Variants in CHD1 observed in about 807,000 individuals in gnomAD.
CHD1 encodes chromodomain helicase DNA binding protein 1.
CHD1 carries 36 observed loss-of-function variants against 224.2 expected under a neutral mutation model. That is an observed-to-expected ratio of 0.16 (90% CI 0.12 to 0.21). CHD1 has a LOEUF of 0.21. CHD1 is among the 10% of genes least tolerant of loss of function. CHD1 has a pLI of 1.00. For synonymous variants in CHD1, 668 were observed against 658.3 expected (o/e 1.01, Z -0.23); for missense variants, 1,378 against 1,994.8 (o/e 0.69, Z 5.89).
chr5:98,901,137 G>C (rs967069666), intron 6 of CHD1, 49 bp downstream of exon 6: 1 of 1,580,852 alleles, frequency 6.3e-7, no homozygotes, highest in Non-Finnish European at 8.6e-7. Flanking sequence ...TATACAAAAA[G>C]AACAAATACT....
intron 3 of CHD1, among the ~76,000 whole-genome samples, chr5:98,904,159 T>A (rs1751899238): frequency 6.6e-6 from 1 of 151,902 alleles, no homozygotes; most frequent in African/African-American, 2.4e-5. Flanking sequence ...ATGCTAAGAG[T>A]ATTATTTGTA....
chr5:98,881,198 T>C (rs1370310721), intron 21 of CHD1, 27 bp from the exon 22 acceptor site: 2 of 1,494,480 alleles, frequency 1.3e-6, no homozygotes, highest in Non-Finnish European at 1.8e-6. Context: ...AATATTTAAA[T>C]ATACTTGAAT....
In CHD1 at chr5:98,926,534, C is replaced by G; in HGVS notation, c.-148G>C. 1 of 427,504 alleles carries G rather than the reference C, an allele frequency of 2.3e-6. No individual in the cohort carries two copies. Among genetic ancestry groups the G allele is most frequent in the Non-Finnish European group, 4.1e-6 (1 of 246,280 alleles). 26.5% of individuals were successfully genotyped at this position (427,504 alleles called of 1,614,324 possible). A position where few individuals can be genotyped will look rare whatever the true frequency, so the allele number is the denominator to read the frequency against. On this transcript the variant is annotated splice_region_variant and 5_prime_UTR_variant, in exon 2 of 36. Transcript: ENST00000614616. ...TTTTCTGGGACTCTCCTTTGATTCACCTAAAGAAAATATATTAATAAATTA... is the reference window on the plus strand; with the variant it reads ...TTTTCTGGGACTCTCCTTTGATTCAGCTAAAGAAAATATATTAATAAATTA...
chr5:98,899,812 A>T, intron 7 of CHD1, 107 bp from the exon 8 acceptor site: 1 of 720,756 alleles, frequency 1.4e-6, no homozygotes, highest in East Asian at 2.7e-5. Flanking sequence ...ACTCTTTTAA[A>T]TAAAGTATTG....
chr5:98,883,861 A>ATATATT (rs1561507731), intron 18 of CHD1: 1 of 33,100 alleles, frequency 3.0e-5, no homozygotes, highest in Admixed American at 5.5e-4. Context: ...ATATATATAT[A>ATATATT]TTTTTTTTTT....
At chr5:98,903,058 AC>A (rs1214099534) in intron 4 of CHD1, 94 bp from the exon 5 acceptor site, 7 of 632,570 alleles carry the variant, frequency 1.1e-5, no homozygotes, top group Non-Finnish European at 1.8e-5. Flanking sequence ...CATTCACTTT[AC>A]AAATAACAGC....
At position 98,898,261 on chromosome 5, in the gene CHD1, A is replaced by G. The variant is rs932246625; in HGVS notation, c.1360T>C (p.Cys454Arg). The part of the protein sequence containing the change: ...NQSKTTPFKD[C>R]KVLKQRPRFV... Reference sequence around the variant, plus strand: ...AAATGTTAGACAATACTCACTTTGCAATCTTTAAAAGGAGTGGTTTTTGAT... The same window carrying G: ...AAATGTTAGACAATACTCACTTTGCGATCTTTAAAAGGAGTGGTTTTTGAT... The change falls in exon 10 of 36, where the codon TGC becomes CGC. Residue 454 changes from cysteine to arginine, a missense_variant. Physicochemically the swap from Cys to Arg is radical, Grantham distance 180. Transcript: ENST00000614616. 6.7e-7 allele frequency: 1 copy of G among 1,498,872 alleles called. No individual in the cohort carries two copies. The highest frequency in any genetic ancestry group is 1.4e-5 in the African/African-American group (1 of 70,992). 92.8% of individuals were successfully genotyped at this position (1,498,872 alleles called of 1,614,324 possible).
At chr5:98,906,068 A>T (rs1210439619) in intron 2 of CHD1, among the ~76,000 whole-genome samples, 1 of 151,970 alleles carries the variant, frequency 6.6e-6, no homozygotes, top group African/African-American at 2.4e-5. Context: ...AGATGGAGGT[A>T]TTACTCTAAG....
At chr5:98,922,810 G>A (rs1455152158) in intron 2 of CHD1, among the ~76,000 whole-genome samples, 3 of 152,082 alleles carry the variant, frequency 2.0e-5, no homozygotes, top group Non-Finnish European at 2.9e-5. Context: ...CCAACATGAC[G>A]AAACACCGTC....
chr5:98,886,330 A>AT (rs1750647378), intron 17 of CHD1: 1 of 152,230 alleles, frequency 6.6e-6, no homozygotes, highest in Non-Finnish European at 1.5e-5. Context: ...CTTTTTCACC[A>AT]TGTCAGTTCC....
rs187407390 is a variant in CHD1, at chr5:98,878,801, T to G, written c.3237+751A>C. On this transcript the variant is annotated intron_variant, in intron 23 of 35. Transcript: ENST00000614616. ...AAGTCATATGGGAAATTTTAAAATG[T>G]TTTTAAATTAAGGAAAATATAAAAA... Among the ~76,000 whole-genome samples, 23 of 152,260 alleles carry G rather than the reference T, an allele frequency of 1.5e-4. 1 individual carries two copies. The East Asian group carries it at 4.0e-3, about 27-fold the overall frequency.
chr5:98,883,061 T>C (rs1359512544), intron 19 of CHD1, 27 bp downstream of exon 19: 5 of 1,298,820 alleles, frequency 3.8e-6, no homozygotes, highest in Admixed American at 6.7e-5. Flanking sequence ...AAAACAGCAA[T>C]ATAATATAAA....
At chr5:98,869,604 GCGTGCGCA>G in intron 30 of CHD1, 142 bp downstream of exon 30, 1 of 736,968 alleles carries the variant, frequency 1.4e-6, no homozygotes, top group East Asian at 2.8e-5. Flanking sequence ...AACTATAAGT[GCGTGCGCA>G]CGTGCGCGCG....
chr5:98,891,291 G>A (rs985287359), intron 15 of CHD1, among the ~76,000 whole-genome samples: 2 of 152,066 alleles, frequency 1.3e-5, no homozygotes, highest in African/African-American at 4.8e-5. Context: ...GCCTAGGCTG[G>A]TCTCAAACTC....
intron 2 of CHD1, among the ~76,000 whole-genome samples, chr5:98,909,733 G>A (rs1399322712): frequency 2.0e-5 from 3 of 152,012 alleles, no homozygotes; most frequent in South Asian, 2.1e-4. Flanking sequence ...GAGTTAAATC[G>A]CCAGCATCCT....
At chr5:98,913,840 C>A (rs1752571528) in intron 2 of CHD1, among the ~76,000 whole-genome samples, 1 of 152,156 alleles carries the variant, frequency 6.6e-6, no homozygotes. Context: ...ACTGTAATAA[C>A]AAGTGTACAA....
rs1561466791 is a variant in CHD1 at position 98,854,224 on chromosome 5, T to C, written c.*2156A>G. On this transcript the variant is annotated 3_prime_UTR_variant, in exon 36 of 36. Coordinates refer to ENST00000614616, the MANE Select transcript of CHD1 (RefSeq NM_001270.4). ...TATTTTATCATTTGATAAATGTACA[T>C]ACAGTTCTATATTTTTCATTCAACT... 1 of 152,072 alleles carries C rather than the reference T, an allele frequency of 6.6e-6. No homozygotes were observed. Among genetic ancestry groups the C allele is most frequent in the Admixed American group, 6.5e-5 (1 of 15,270 alleles). 9.4% of individuals were successfully genotyped at this position (152,072 alleles called of 1,614,324 possible).
intron 18 of CHD1, 42 bp downstream of exon 18, chr5:98,885,536 T>C (rs1561510122): frequency 8.4e-7 from 1 of 1,194,300 alleles, no homozygotes; most frequent in Admixed American, 2.0e-5. Flanking sequence ...ATACTGATAC[T>C]AAATCAAAAT....
intron 13 of CHD1, 91 bp from the exon 14 acceptor site, chr5:98,893,697 ATAAAAAT>A (rs997689963): frequency 1.2e-6 from 1 of 812,648 alleles, no homozygotes; most frequent in African/African-American, 1.8e-5. Context: ...TTAAAATGAA[ATAAAAAT>A]TAAAAACAAA....
Sources: gnomAD v4.1 joint callset for allele counts (sites outside exome capture counted in the v4.1 genomes callset) on GRCh38, gnomAD v4.1.1 for gene constraint, MANE v1.5 for transcripts, NCBI Gene and HGNC (gene_info 2026-07-23, HGNC 2026-07-21) for gene names.